Variants in TMEM71 observed in about 807,000 individuals in gnomAD.
The protein encoded by TMEM71 is transmembrane protein 71.
Under a neutral mutation model 38.0 loss-of-function variants are expected in TMEM71, and 44 were observed. That is an observed-to-expected ratio of 1.16 (90% CI 0.91 to 1.49). The LOEUF is 1.49. Among genes scored for constraint, TMEM71 ranks in the 40% most tolerant of loss-of-function variants. The pLI, the probability that TMEM71 is intolerant of heterozygous loss-of-function variation, is 0.00. For missense variants in TMEM71, 367 were observed against 348.6 expected (o/e 1.05, Z -0.42); for synonymous variants, 133 against 122.5 (o/e 1.09, Z -0.56).
At chr8:132,758,786 A>G in intron 2 of TMEM71, 54 bp downstream of exon 2, 4 of 1,507,680 alleles carry the variant, frequency 2.7e-6, no homozygotes, top group Non-Finnish European at 3.7e-6. Context: ...AAATTGCTAA[A>G]AGGAGTCTAA....
At chr8:132,731,436 T>G (rs1827448488) in intron 5 of TMEM71, among the ~76,000 whole-genome samples, 1 of 152,240 alleles carries the variant, frequency 6.6e-6, no homozygotes, top group Admixed American at 6.5e-5. Context: ...TTGAATTAGA[T>G]ATGCAGGAAT....
intron 5 of TMEM71, among the ~76,000 whole-genome samples, chr8:132,739,636 T>G (rs938745693): frequency 2.6e-5 from 4 of 152,142 alleles, no homozygotes; most frequent in Admixed American, 2.6e-4. Context: ...ATAAGCTAAA[T>G]TAACTTGGGC....
chr8:132,749,580 C>T (rs1828578643), intron 4 of TMEM71, among the ~76,000 whole-genome samples: 1 of 152,162 alleles, frequency 6.6e-6, no homozygotes, highest in African/African-American at 2.4e-5. Context: ...CCAGGCAATT[C>T]CACCATGGCA....
intron 5 of TMEM71, among the ~76,000 whole-genome samples, chr8:132,739,485 G>A (rs1393778984): frequency 6.6e-6 from 1 of 152,040 alleles, no homozygotes; most frequent in Non-Finnish European, 1.5e-5. Flanking sequence ...CTAATTTTTT[G>A]TATTTTTAGT....
intron 5 of TMEM71, among the ~76,000 whole-genome samples, chr8:132,745,099 T>C (rs745781987): frequency 6.6e-6 from 1 of 152,126 alleles, no homozygotes; most frequent in Non-Finnish European, 1.5e-5. Context: ...GCAACACCAT[T>C]CTGGACATCA....
chr8:132,755,861 T>G (rs1385000897), intron 3 of TMEM71, among the ~76,000 whole-genome samples: 1 of 152,224 alleles, frequency 6.6e-6, no homozygotes, highest in Non-Finnish European at 1.5e-5. Context: ...ATCATTATCC[T>G]CATCATATAG....
chr8:132,734,386 T>C (rs1022566766), intron 5 of TMEM71, among the ~76,000 whole-genome samples: 7 of 152,274 alleles, frequency 4.6e-5, no homozygotes, highest in Admixed American at 4.6e-4. Flanking sequence ...ATCAAATCAA[T>C]GTGGAAGTGA....
chr8:132,718,176 C>A (rs1015461038), intron 7 of TMEM71, among the ~76,000 whole-genome samples: 1 of 152,036 alleles, frequency 6.6e-6, no homozygotes, highest in Non-Finnish European at 1.5e-5. Context: ...GATGGTTGCA[C>A]AATTTTGTAA....
At chr8:132,765,870 C>A in the TMEM71 span, among the ~76,000 whole-genome samples, 1 of 152,040 alleles carries the variant, frequency 6.6e-6, no homozygotes, top group South Asian at 2.1e-4. Flanking sequence ...CTCACTACAG[C>A]CTTTGCCTCC....
chr8:132,731,951 C>T (rs1452987223), intron 5 of TMEM71, among the ~76,000 whole-genome samples: 1 of 152,130 alleles, frequency 6.6e-6, no homozygotes, highest in Non-Finnish European at 1.5e-5. Flanking sequence ...AGAGAAGACC[C>T]CCAAGCCAGA....
chr8:132,710,866 C>T lies in TMEM71; in HGVS notation c.*101G>A. On this transcript the variant is annotated 3_prime_UTR_variant, in exon 10 of 10. Transcript: ENST00000677595. The stretch of plus-strand genomic sequence containing the variant: ...TGGCTTTTTCTCCATTACTCGCTTA[C>T]TCCCTTCCAATAAAACACTTGATTC... The T allele has an allele frequency of 9.1e-7, 1 of 1,098,612 alleles. No homozygotes were observed. The highest frequency in any genetic ancestry group is 1.4e-6 in the Non-Finnish European group (1 of 717,972). 68.1% of individuals were successfully genotyped at this position (1,098,612 alleles called of 1,614,324 possible). A position where few individuals can be genotyped will look rare whatever the true frequency, so the allele number is the denominator to read the frequency against.
At chr8:132,739,258 G>C (rs1463894903) in intron 5 of TMEM71, among the ~76,000 whole-genome samples, 2 of 152,212 alleles carry the variant, frequency 1.3e-5, no homozygotes, top group Non-Finnish European at 2.9e-5. Flanking sequence ...GCAGAGCAGA[G>C]TCTGGACTTT....
At chr8:132,774,002 T>G in the TMEM71 span, among the ~76,000 whole-genome samples, 1 of 152,222 alleles carries the variant, frequency 6.6e-6, no homozygotes, top group Non-Finnish European at 1.5e-5. Context: ...AGAACCTGGA[T>G]GGTAGAGCAG....
chr8:132,749,816 C>T (rs1205096069), intron 4 of TMEM71, among the ~76,000 whole-genome samples: 1 of 151,918 alleles, frequency 6.6e-6, no homozygotes, highest in Non-Finnish European at 1.5e-5. Flanking sequence ...GGGATCGAGA[C>T]CATCCTGGCC....
chr8:132,714,180 G>A lies in TMEM71; in HGVS notation c.788C>T (p.Thr263Ile). The A allele has an allele frequency of 6.2e-7, 1 of 1,612,758 alleles. No individual in the cohort carries two copies. Among genetic ancestry groups the A allele is most frequent in the Non-Finnish European group, 8.5e-7 (1 of 1,179,566 alleles). ...FMGEILASVF[T>I]CSLMITVAYV... is the part of the protein sequence containing the mutation. Reference sequence around the variant, plus strand: ...AGCTACAGTTATCATCAATGAGCATGTGAAGACACTGGCTAATATTTCTCC... The same window carrying A: ...AGCTACAGTTATCATCAATGAGCATATGAAGACACTGGCTAATATTTCTCC... The change falls in exon 8 of 10, where the codon ACA (threonine) becomes ATA (isoleucine). Residue 263 changes from threonine to isoleucine, a missense_variant. Coordinates refer to ENST00000677595, the MANE Select transcript of TMEM71 (RefSeq NM_001382403.1).
chr8:132,716,081 C>T (rs1366510176), intron 7 of TMEM71, among the ~76,000 whole-genome samples: 1 of 152,164 alleles, frequency 6.6e-6, no homozygotes, highest in African/African-American at 2.4e-5. Context: ...GAGGGGGCCC[C>T]GCCCTCCCAG....
intron 2 of TMEM71, 101 bp from the exon 3 acceptor site, chr8:132,757,395 C>T (rs540674121): frequency 2.4e-6 from 2 of 830,964 alleles, no homozygotes; most frequent in East Asian, 3.1e-5. Context: ...ACAGTGGAGG[C>T]ATGTAAGAAG....
upstream of TMEM71, among the ~76,000 whole-genome samples, chr8:132,765,426 A>G (rs899985554): frequency 1.3e-5 from 2 of 152,208 alleles, no homozygotes; most frequent in African/African-American, 2.4e-5. Context: ...CTCTGCAGAA[A>G]GAATGCCAGC....
rs1366907014 is a variant in TMEM71, at chr8:132,727,790, G to C, written c.676+8C>G. The C allele has an allele frequency of 1.3e-6, 2 of 1,592,370 alleles. No homozygotes were observed. The highest frequency in any genetic ancestry group is 2.7e-5 in the African/African-American group (2 of 74,068). Reference sequence around the variant, plus strand: ...GGTGTGGCAAATATTTAAAACACCTGAACTCACCTGAATGATCCGAACTAT... The same window carrying C: ...GGTGTGGCAAATATTTAAAACACCTCAACTCACCTGAATGATCCGAACTAT... On this transcript the variant is annotated splice_region_variant and intron_variant, in intron 6 of 9. Transcript: ENST00000677595.
Sources: allele counts gnomAD v4.1 joint callset (sites outside exome capture counted in the v4.1 genomes callset), GRCh38; gene constraint gnomAD v4.1.1; transcripts MANE v1.5; gene names NCBI Gene and HGNC (gene_info 2026-07-23, HGNC 2026-07-21).